The following CHEK2 variants were observed in gnomAD, a reference collection of about 807,000 sequenced individuals.
CHEK2 encodes serine/threonine-protein kinase Chk2.
Under a neutral mutation model 69.1 loss-of-function variants are expected in CHEK2, and 71 were observed. That is an observed-to-expected ratio of 1.03 (90% CI 0.85 to 1.25). The LOEUF is 1.25. CHEK2 is among the 50% of genes most tolerant of loss of function. CHEK2 has a pLI of 0.00. For synonymous variants in CHEK2, 189 were observed against 226.9 expected (o/e 0.83, Z 1.50); for missense variants, 664 against 649.6 (o/e 1.02, Z -0.24).
intron 1 of CHEK2, 96 bp from the exon 2 acceptor site, chr22:28,734,823 A>AAT: frequency 5.0e-5 from 47 of 934,834 alleles, no homozygotes; most frequent in Non-Finnish European, 6.2e-5. Context: ...AGCAAAAGAA[A>AAT]AGAAAAAAAA....
intron 1 of CHEK2, among the ~76,000 whole-genome samples, chr22:28,740,089 T>G (rs992179031): frequency 2.0e-5 from 3 of 152,070 alleles, no homozygotes; most frequent in Non-Finnish European, 4.4e-5. Context: ...TAGTCCCAGC[T>G]ACTCGGGAGG....
Position 28,696,911 on chromosome 22 carries a change from C to T in CHEK2, c.1085G>A (p.Cys362Tyr), listed in dbSNP as rs767306337. ...ATGCCAATTTCTTACCTTTATAAGA[C>T]AGTCCTCTTCTTGAGATGACAGTAA... ...NVLLSSQEED[C>Y]LIKITDFGHS... The change falls in exon 10 of 15, where the codon TGT (cysteine) becomes TAT (tyrosine). Residue 362 changes from cysteine to tyrosine, a missense_variant. Coordinates refer to ENST00000404276, the MANE Select transcript of CHEK2 (RefSeq NM_007194.4). 1.9e-6 allele frequency: 3 copies of T among 1,609,646 alleles called. No individual in the cohort carries two copies. The highest frequency in any genetic ancestry group is 1.7e-4 in the Middle Eastern group (1 of 6,048).
At chr22:28,698,165 C>A (rs1285711266) in intron 9 of CHEK2, among the ~76,000 whole-genome samples, 1 of 142,360 alleles carries the variant, frequency 7.0e-6, no homozygotes, top group African/African-American at 2.6e-5. Flanking sequence ...TCAAGGCAGG[C>A]GGATAGTTTG....
intron 12 of CHEK2, among the ~76,000 whole-genome samples, chr22:28,694,722 T>C: frequency 6.6e-6 from 1 of 152,246 alleles, no homozygotes; most frequent in East Asian, 1.9e-4. Flanking sequence ...TAATGACATC[T>C]AGTTTTTACA....
At chr22:28,695,631 G>C (rs1477451412) in intron 11 of CHEK2, 79 bp downstream of exon 11, 1 of 1,249,268 alleles carries the variant, frequency 8.0e-7, no homozygotes, top group Non-Finnish European at 1.2e-6. Flanking sequence ...ATGCCAGCCT[G>C]GACAACAGAG....
chr22:28,709,532 C>G (rs1370988960), intron 7 of CHEK2, among the ~76,000 whole-genome samples: 1 of 152,174 alleles, frequency 6.6e-6, no homozygotes, highest in East Asian at 1.9e-4. Flanking sequence ...AAACTCTTCC[C>G]AGCTAAATGA....
At chr22:28,740,031 A>T (rs549608077) in intron 1 of CHEK2, among the ~76,000 whole-genome samples, 3 of 151,484 alleles carry the variant, frequency 2.0e-5, no homozygotes, top group Admixed American at 6.6e-5. Flanking sequence ...TGAAACCCCA[A>T]CTCTACTAAA....
In CHEK2 at chr22:28,703,509, C is replaced by A. The variant is rs587782460; in HGVS notation, c.904G>T (p.Glu302Ter). 6.9e-7 allele frequency: 1 copy of A among 1,450,494 alleles called. No homozygotes were observed. Among genetic ancestry groups the A allele is most frequent in the South Asian group, 1.2e-5 (1 of 84,448 alleles). 89.9% of individuals were successfully genotyped at this position (1,450,494 alleles called of 1,614,324 possible). The change falls in exon 8 of 15, where the codon GAA becomes TAA. Residue 302 changes from glutamate to a stop codon, truncating the protein, a stop_gained. Transcript: ENST00000404276. LOFTEE classifies it high-confidence loss of function. Reference sequence around the variant, plus strand: ...TTTAAAAAGTTTACTACTTACAATTCCAAAACAATATAATAATCTTCTGCA... The same window carrying A: ...TTTAAAAAGTTTACTACTTACAATTACAAAACAATATAATAATCTTCTGCA... ...FDAEDYYIVLELMEGGELFDK... is the reference protein window; with the variant it reads ...FDAEDYYIVL
chr22:28,740,561 A>C (rs1204291053), intron 1 of CHEK2, among the ~76,000 whole-genome samples: 2 of 152,230 alleles, frequency 1.3e-5, no homozygotes, highest in Non-Finnish European at 2.9e-5. Context: ...TACATATTAA[A>C]TAAATATACT....
At chr22:28,698,469 T>C (rs1314121814) in intron 9 of CHEK2, among the ~76,000 whole-genome samples, 1 of 152,170 alleles carries the variant, frequency 6.6e-6, no homozygotes, top group African/African-American at 2.4e-5. Flanking sequence ...GATGTCCCTC[T>C]GGGTTAGAAC....
At chr22:28,725,533 A>G (rs2146074872) in intron 2 of CHEK2, among the ~76,000 whole-genome samples, 166 bp from the exon 3 acceptor site, 1 of 152,342 alleles carries the variant, frequency 6.6e-6, no homozygotes, top group Non-Finnish European at 1.5e-5. Flanking sequence ...AGAAAAAACA[A>G]CATTACCAAT....
At chr22:28,731,814 C>T (rs958857139) in intron 2 of CHEK2, among the ~76,000 whole-genome samples, 1 of 152,054 alleles carries the variant, frequency 6.6e-6, no homozygotes, top group Admixed American at 6.6e-5. Flanking sequence ...AGTTGAGAGC[C>T]CCTGCACCCA....
At chr22:28,702,293 C>T (rs768502734) in intron 8 of CHEK2, among the ~76,000 whole-genome samples, 7 of 151,052 alleles carry the variant, frequency 4.6e-5, no homozygotes, top group Non-Finnish European at 8.8e-5. Flanking sequence ...GGCTGGAATG[C>T]AGTGGCGCGA....
intron 4 of CHEK2, chr22:28,724,580 T>C (rs890231312): frequency 5.0e-5 from 14 of 280,030 alleles, no homozygotes; most frequent in Admixed American, 1.4e-4. Context: ...TTTTTTTTTG[T>C]TTTGAGACAG....
intron 7 of CHEK2, among the ~76,000 whole-genome samples, chr22:28,707,704 A>G (rs1005452686): frequency 6.6e-6 from 1 of 151,916 alleles, no homozygotes; most frequent in Admixed American, 6.6e-5. Context: ...ATGCAAATAA[A>G]TATGTCTAGA....
chr22:28,702,508 G>C (rs1269635205), intron 8 of CHEK2, among the ~76,000 whole-genome samples: 1 of 148,944 alleles, frequency 6.7e-6, no homozygotes, highest in Non-Finnish European at 1.5e-5. Context: ...TAAGTGCTGG[G>C]ATTACAGATG....
At chr22:28,702,681 A>G (rs932242036) in intron 8 of CHEK2, among the ~76,000 whole-genome samples, 28 of 151,390 alleles carry the variant, frequency 1.8e-4, no homozygotes, top group African/African-American at 6.1e-4. Flanking sequence ...TGAGTAGCTG[A>G]AGTAACAGGT....
At chr22:28,714,376 G>A (rs2053516304) in intron 5 of CHEK2, among the ~76,000 whole-genome samples, 1 of 152,094 alleles carries the variant, frequency 6.6e-6, no homozygotes, top group South Asian at 2.1e-4. Context: ...TGAGGGAAAT[G>A]TCTATTCAAG....
chr22:28,728,378 T>C (rs1171183682), intron 2 of CHEK2, among the ~76,000 whole-genome samples: 3 of 151,950 alleles, frequency 2.0e-5, no homozygotes, highest in Non-Finnish European at 2.9e-5. Context: ...CTACCAAAAC[T>C]AACACAAGAA....
Sources: gnomAD v4.1 joint callset for allele counts (sites outside exome capture counted in the v4.1 genomes callset) on GRCh38, gnomAD v4.1.1 for gene constraint, MANE v1.5 for transcripts, NCBI Gene and HGNC (gene_info 2026-07-23, HGNC 2026-07-21) for gene names.